STAP1: variants seen among roughly 807,000 people sequenced by gnomAD.
The protein encoded by STAP1 is signal-transducing adaptor protein 1.
In STAP1, 30 loss-of-function variants were observed where a neutral mutation model predicts 37.8. The ratio of observed to expected loss-of-function variants is 0.79; its 90% CI spans 0.59 to 1.08. The LOEUF (loss-of-function observed/expected upper bound fraction) is 1.08, where lower values mean the gene tolerates loss of function less well. Among genes scored for constraint, STAP1 ranks in the 50% least tolerant of loss-of-function variants. STAP1 has a pLI of 0.00. For synonymous variants in STAP1, 130 were observed against 116.0 expected, an observed-to-expected ratio of 1.12 and a Z score of -0.78; for missense variants, 357 against 349.4, an observed-to-expected ratio of 1.02 and a Z score of -0.17.
chr4:67,571,510 A>G (rs887779996), intron 2 of STAP1, among the ~76,000 whole-genome samples: 2 of 152,188 alleles, frequency 1.3e-5, no homozygotes, highest in African/African-American at 4.8e-5. Flanking sequence ...TTGCTGTAGC[A>G]TGCAGTTATA....
chr4:67,584,912 G>A (rs541919814), intron 6 of STAP1, among the ~76,000 whole-genome samples: 23 of 152,284 alleles, frequency 1.5e-4, no homozygotes, highest in South Asian at 8.3e-4. Flanking sequence ...GGCCACTTAG[G>A]AGCCTCTTTG....
At chr4:67,575,220 C>G (rs1727690970) in intron 2 of STAP1, among the ~76,000 whole-genome samples, 165 bp from the exon 3 acceptor site, 1 of 152,102 alleles carries the variant, frequency 6.6e-6, no homozygotes, top group Admixed American at 6.6e-5. Context: ...GTTCAGCACA[C>G]CACCACATAA....
In STAP1 at chr4:67,558,742, C is replaced by T; in HGVS notation, c.-68C>T. 7 of 1,561,200 alleles carry T rather than the reference C, an allele frequency of 4.5e-6. No individual in the cohort carries two copies. In the South Asian group the frequency reaches 8.4e-5, roughly 19 times the overall value. On this transcript the variant is annotated 5_prime_UTR_variant, in exon 1 of 9. Transcript: ENST00000265404. ...CTTCCTCTTTGAACAGTTGCCTTTT[C>T]CTCTCACAGAAGGAAGATTTCATTT...
chr4:67,601,101 T>C (rs1728332607), intron 8 of STAP1, among the ~76,000 whole-genome samples: 1 of 152,190 alleles, frequency 6.6e-6, no homozygotes, highest in South Asian at 2.1e-4. Flanking sequence ...GTGGTATCTT[T>C]AATTTCTTGC....
At chr4:67,562,054 G>A (rs1195017928) in intron 1 of STAP1, among the ~76,000 whole-genome samples, 2 of 93,590 alleles carry the variant, frequency 2.1e-5, no homozygotes, top group Non-Finnish European at 3.8e-5. Flanking sequence ...CCTGGCAATA[G>A]AGCGAGACTC....
chr4:67,588,131 GT>G (rs1296626608), intron 6 of STAP1, among the ~76,000 whole-genome samples: 1 of 134,286 alleles, frequency 7.4e-6, no homozygotes, highest in African/African-American at 2.8e-5. Context: ...TATCAATCTT[GT>G]TTTTTTCATC....
chr4:67,563,516 G>A (rs950408999), intron 1 of STAP1, among the ~76,000 whole-genome samples: 4 of 152,148 alleles, frequency 2.6e-5, no homozygotes, highest in African/African-American at 9.7e-5. Context: ...GATCAGCCTA[G>A]GCAATATAGC....
chr4:67,575,462 C>T lies in STAP1; in HGVS notation c.270C>T (p.Phe90=), dbSNP rs1727697693. 2 of 1,611,364 alleles carry T rather than the reference C, an allele frequency of 1.2e-6. No homozygotes were observed. The highest frequency in any genetic ancestry group is 1.7e-6 in the Non-Finnish European group (2 of 1,179,076). The change falls in exon 3 of 9, where the codon TTC becomes TTT. Residue 90 remains phenylalanine (F), a synonymous_variant. Transcript: ENST00000265404. ...CAACTGAAAAGAACTGTGCGAAATT[C>T]ACCCTTGTTTTGCCGAAAGAGGAAG... is the stretch of plus-strand genomic sequence containing the variant. ...QNSTEKNCAK[F]TLVLPKEEVQ...
At chr4:67,590,627 T>C (rs1471728539) in intron 6 of STAP1, among the ~76,000 whole-genome samples, 1 of 152,148 alleles carries the variant, frequency 6.6e-6, no homozygotes, top group African/African-American at 2.4e-5. Flanking sequence ...CCTTTTTTCC[T>C]GTTTATTCTT....
At chr4:67,574,134 T>C (rs545377003) in intron 2 of STAP1, among the ~76,000 whole-genome samples, 1 of 152,230 alleles carries the variant, frequency 6.6e-6, no homozygotes. Context: ...ATAAACTTGT[T>C]ATAAATATTA....
rs774626654 is a variant in STAP1, at chr4:67,558,795, A to T, written c.-15A>T. On this transcript the variant is annotated 5_prime_UTR_variant, in exon 1 of 9. Transcript: ENST00000265404. ...TTTGAGACGAGAAACCAAACCACAC[A>T]CCAAAGAGAGGGGTATGATGGCTAA... 6.2e-7 allele frequency: 1 copy of T among 1,605,054 alleles called. No homozygotes were observed. The highest frequency in any genetic ancestry group is 8.5e-7 in the Non-Finnish European group (1 of 1,177,322).
At chr4:67,598,194 C>T (rs1353798874) in intron 8 of STAP1, among the ~76,000 whole-genome samples, 3 of 152,152 alleles carry the variant, frequency 2.0e-5, no homozygotes, top group Non-Finnish European at 4.4e-5. Context: ...GTTTCCCTTG[C>T]ACTCTCTTTT....
chr4:67,598,292 A>T (rs1173164037), intron 8 of STAP1, among the ~76,000 whole-genome samples: 4 of 152,112 alleles, frequency 2.6e-5, no homozygotes, highest in Non-Finnish European at 5.9e-5. Flanking sequence ...TGGGGTATAT[A>T]CCTAGCAGTG....
At chr4:67,560,728 T>A (rs777656188) in intron 1 of STAP1, among the ~76,000 whole-genome samples, 1 of 151,532 alleles carries the variant, frequency 6.6e-6, no homozygotes, top group African/African-American at 2.4e-5. Context: ...TCACTAGTCA[T>A]GCAGCCTTGA....
In STAP1 at chr4:67,593,262, A is replaced by G; in HGVS notation, c.732A>G (p.Val244=). ...QNYTIELEKP[V]TLPNLFSVID... is the part of the protein sequence containing the mutation. ...TCTCTCACTCTCTATTAATACAGGTAACACTCCCAAACCTTTTCAGTGTCA... is the reference window on the plus strand; with the variant it reads ...TCTCTCACTCTCTATTAATACAGGTGACACTCCCAAACCTTTTCAGTGTCA... The change falls in exon 8 of 9, where the codon GTA becomes GTG. Residue 244 remains valine (V), a splice_region_variant and synonymous_variant. Coordinates refer to ENST00000265404, the MANE Select transcript of STAP1 (RefSeq NM_012108.4). 1 of 1,610,836 alleles carries G rather than the reference A, an allele frequency of 6.2e-7. No homozygotes were observed. Among genetic ancestry groups the G allele is most frequent in the Non-Finnish European group, 8.5e-7 (1 of 1,178,126 alleles).
At chr4:67,569,350 G>A (rs1295975799) in intron 1 of STAP1, among the ~76,000 whole-genome samples, 1 of 152,156 alleles carries the variant, frequency 6.6e-6, no homozygotes, top group African/African-American at 2.4e-5. Context: ...TGAAGGCCTA[G>A]AATATCATCA....
chr4:67,602,526 T>C (rs547499020), intron 8 of STAP1, among the ~76,000 whole-genome samples: 1 of 152,302 alleles, frequency 6.6e-6, no homozygotes, highest in East Asian at 1.9e-4. Flanking sequence ...AGTATTCTGA[T>C]CTAAGTCGTT....
intron 2 of STAP1, among the ~76,000 whole-genome samples, chr4:67,574,746 C>G (rs971088013): frequency 2.6e-5 from 4 of 151,994 alleles, no homozygotes; most frequent in Admixed American, 2.6e-4. Context: ...AAAACAAAAA[C>G]GAAGAATGTA....
rs576347060 is a variant in STAP1, at chr4:67,581,619, T to C, written c.530+148T>C. 6.5e-5 allele frequency: 55 copies of C among 842,662 alleles called. No homozygotes were observed. In the African/African-American group the frequency reaches 8.9e-4, roughly 14 times the overall value. The allele number at this position is 842,662 out of a possible 1,614,324, so 52.2% of individuals were successfully genotyped here. A position where few individuals can be genotyped will look rare whatever the true frequency, so the allele number is the denominator to read the frequency against. On this transcript the variant is annotated intron_variant, in intron 5 of 8. Transcript: ENST00000265404. ...GTATATCTCTGCGTACATGCCATAT[T>C]TCCTCTTCTATGTCATGATCAACAA...
Sources: gnomAD v4.1 joint callset for allele counts (sites outside exome capture counted in the v4.1 genomes callset) on GRCh38, gnomAD v4.1.1 for gene constraint, MANE v1.5 for transcripts, NCBI Gene and HGNC (gene_info 2026-07-23, HGNC 2026-07-21) for gene names.